The following MSI2 variants were observed in gnomAD, a reference collection of about 807,000 sequenced individuals.
MSI2 encodes musashi RNA binding protein 2.
Under a neutral mutation model 45.6 loss-of-function variants are expected in MSI2, and 17 were observed. The ratio of observed to expected loss-of-function variants is 0.37; its 90% CI spans 0.26 to 0.56. MSI2 has a LOEUF of 0.56. MSI2 is among the 20% of genes least tolerant of loss of function. The pLI is 0.77. For missense variants in MSI2, 293 were observed against 444.2 expected (o/e 0.66, Z 3.06); for synonymous variants, 156 against 158.2 (o/e 0.99, Z 0.11).
At chr17:57,274,763 G>A (rs1908700181) in intron 5 of MSI2, among the ~76,000 whole-genome samples, 1 of 152,216 alleles carries the variant, frequency 6.6e-6, no homozygotes, top group African/African-American at 2.4e-5. Context: ...ATAACGAAGT[G>A]TGTGGTTTGT....
chr17:57,259,555 C>T (rs551123319), intron 4 of MSI2, among the ~76,000 whole-genome samples: 24 of 152,162 alleles, frequency 1.6e-4, no homozygotes, highest in Non-Finnish European at 3.2e-4. Context: ...GGAATGCGTG[C>T]CTTCTCCTAA....
At chr17:57,391,999 G>T (rs1225511165) in intron 5 of MSI2, among the ~76,000 whole-genome samples, 2 of 152,208 alleles carry the variant, frequency 1.3e-5, no homozygotes, top group African/African-American at 4.8e-5. Context: ...AGCACTGGGG[G>T]GCAGCGGCTC....
chr17:57,264,592 GTTGAATTTATA>G (rs1839508925), intron 5 of MSI2: 1 of 152,220 alleles, frequency 6.6e-6, no homozygotes, highest in Non-Finnish European at 1.5e-5. Context: ...AATGATACTA[GTTGAATTTATA>G]TGCCAGGCAC....
rs1907365107 is a variant in MSI2 at position 57,262,180 on chromosome 17, A to G, written c.300A>G (p.Arg100=). The G allele has an allele frequency of 5.0e-6, 8 of 1,614,020 alleles. No homozygotes were observed. The highest frequency in any genetic ancestry group is 1.1e-5 in the South Asian group (1 of 91,064). The change falls in exon 5 of 14, where the codon CGA becomes CGG. Residue 100 remains arginine, a synonymous_variant. Coordinates refer to ENST00000284073, the MANE Select transcript of MSI2 (RefSeq NM_138962.4). ...ACCCCAAAGTTGCATTTCCTCGTCG[A>G]GCGCAACCCAAGGTAAGTAGGAGAA... ...TIDPKVAFPR[R]AQPKMVTRTK... is the part of the protein sequence containing the mutation.
At chr17:57,332,028 T>C (rs1914315943) in intron 5 of MSI2, among the ~76,000 whole-genome samples, 1 of 152,188 alleles carries the variant, frequency 6.6e-6, no homozygotes, top group African/African-American at 2.4e-5. Context: ...ATAGAAAAGT[T>C]TGGTCCTCTC....
the MSI2 span, among the ~76,000 whole-genome samples, chr17:57,700,117 G>A: frequency 1.3e-5 from 2 of 152,202 alleles, no homozygotes; most frequent in Non-Finnish European, 2.9e-5. Flanking sequence ...GATTTACGGG[G>A]TAGTGACAGC....
intron 8 of MSI2, among the ~76,000 whole-genome samples, chr17:57,608,824 G>A (rs1598447101): frequency 6.6e-6 from 1 of 152,238 alleles, no homozygotes; most frequent in South Asian, 2.1e-4. Context: ...TTCCTTGAGG[G>A]TGGGTCTCCC....
intron 6 of MSI2, among the ~76,000 whole-genome samples, chr17:57,413,592 T>C (rs1235293510): frequency 6.6e-6 from 1 of 152,022 alleles, no homozygotes; most frequent in Non-Finnish European, 1.5e-5. Flanking sequence ...TTATATATAT[T>C]GATCCACTAA....
intron 6 of MSI2, among the ~76,000 whole-genome samples, chr17:57,404,772 G>A (rs959260332): frequency 2.6e-5 from 4 of 152,138 alleles, no homozygotes; most frequent in Admixed American, 6.5e-5. Flanking sequence ...ATTACTGTAA[G>A]TGGAGTGGGT....
At chr17:57,259,917 A>G in intron 4 of MSI2, 1 of 152,232 alleles carries the variant, frequency 6.6e-6, no homozygotes, top group Non-Finnish European at 1.5e-5. Context: ...TTGTTTATAG[A>G]CATGTTTTGG....
chr17:57,635,569 G>A (rs1198647193), intron 10 of MSI2, among the ~76,000 whole-genome samples: 2 of 152,268 alleles, frequency 1.3e-5, no homozygotes, highest in Non-Finnish European at 2.9e-5. Context: ...GAGCACTCGG[G>A]GTGGCCAGGA....
intron 6 of MSI2, among the ~76,000 whole-genome samples, chr17:57,411,463 T>C (rs2084194804): frequency 6.6e-6 from 1 of 152,246 alleles, no homozygotes; most frequent in Non-Finnish European, 1.5e-5. Context: ...ACCGTTCATG[T>C]ATCTTTTACC....
At chr17:57,369,060 T>C (rs1206687495) in intron 5 of MSI2, among the ~76,000 whole-genome samples, 1 of 152,020 alleles carries the variant, frequency 6.6e-6, no homozygotes, top group African/African-American at 2.4e-5. Context: ...TTTGGTGAGG[T>C]TTATGGAAAT....
chr17:57,359,069 C>T (rs1376574985), intron 5 of MSI2, among the ~76,000 whole-genome samples: 1 of 152,146 alleles, frequency 6.6e-6, no homozygotes, highest in Non-Finnish European at 1.5e-5. Context: ...GTGGTCCTGC[C>T]ATCCCAGTGG....
intron 5 of MSI2, among the ~76,000 whole-genome samples, chr17:57,309,190 A>G (rs891142664): frequency 1.3e-5 from 2 of 152,224 alleles, no homozygotes; most frequent in Non-Finnish European, 2.9e-5. Context: ...TTTGAACATA[A>G]GTAGTTCTAT....
At position 57,273,582 on chromosome 17, in the gene MSI2, G is replaced by T. The variant is rs572777271; in HGVS notation, c.312+11390G>T. 2.7e-5 allele frequency among the ~76,000 whole-genome samples: 4 copies of T among 150,836 alleles called. 1 individual carries two copies. The highest frequency in any genetic ancestry group is 4.0e-4 in the East Asian group (2 of 5,052). On this transcript the variant is annotated intron_variant, in intron 5 of 13. Coordinates refer to ENST00000284073, the MANE Select transcript of MSI2 (RefSeq NM_138962.4). ...AATTTTTCTGCTGCACTTGCTGAAAGAATTCAATTAAAGTTCTTTTGAGCA... is the reference window on the plus strand; with the variant it reads ...AATTTTTCTGCTGCACTTGCTGAAATAATTCAATTAAAGTTCTTTTGAGCA...
chr17:57,666,318 CAG>C (rs950665713), intron 11 of MSI2, among the ~76,000 whole-genome samples: 10 of 152,334 alleles, frequency 6.6e-5, no homozygotes, highest in African/African-American at 2.4e-4. Context: ...TTATCTGTAA[CAG>C]GGGTTACACA....
rs2086779995 is a variant in MSI2 at position 57,529,610 on chromosome 17, C to T, written c.406-66C>T. ...AACTACCCCCTCACCCCCCGACATG[C>T]ATATAATGTTTTGTGTACTTTCTTA... On this transcript the variant is annotated intron_variant, in intron 6 of 13. Coordinates refer to ENST00000284073, the MANE Select transcript of MSI2 (RefSeq NM_138962.4). This position sits in a 1 kb window ranked among gnomAD's most constrained non-coding sequence, Gnocchi z 5.3. The T allele has an allele frequency of 1.4e-6, 2 of 1,435,346 alleles. No homozygotes were observed. The highest frequency in any genetic ancestry group is 2.0e-6 in the Non-Finnish European group (2 of 1,020,478). 88.9% of individuals were successfully genotyped at this position (1,435,346 alleles called of 1,614,324 possible).
At chr17:57,392,867 A>G (rs943584114) in intron 5 of MSI2, among the ~76,000 whole-genome samples, 1 of 150,644 alleles carries the variant, frequency 6.6e-6, no homozygotes, top group African/African-American at 2.4e-5. Context: ...CTGGCCTGTC[A>G]TTTTTTTTTG....
Sources: allele counts gnomAD v4.1 joint callset (sites outside exome capture counted in the v4.1 genomes callset), GRCh38; gene constraint gnomAD v4.1.1; non-coding constraint Gnocchi (gnomAD v3.1); transcripts MANE v1.5; gene names NCBI Gene and HGNC (gene_info 2026-07-23, HGNC 2026-07-21).